The following CDYL2 variants were observed in gnomAD, a reference collection of about 807,000 sequenced individuals.
The protein encoded by CDYL2 is chromodomain Y-like protein 2.
CDYL2 carries 23 observed loss-of-function variants against 49.4 expected under a neutral mutation model. The ratio of observed to expected loss-of-function variants is 0.47; its 90% CI spans 0.34 to 0.66. The LOEUF is 0.66. Among genes scored for constraint, CDYL2 ranks in the 30% least tolerant of loss-of-function variants. The pLI, the probability that CDYL2 is intolerant of heterozygous loss-of-function variation, is 0.01. For missense variants in CDYL2, 678 were observed against 656.4 expected (o/e 1.03, Z -0.36); for synonymous variants, 360 against 268.8 (o/e 1.34, Z -3.32).
chr16:80,620,477 G>A (rs891818466), intron 4 of CDYL2, among the ~76,000 whole-genome samples: 1 of 152,156 alleles, frequency 6.6e-6, no homozygotes, highest in Non-Finnish European at 1.5e-5. Flanking sequence ...AAATCTTTCC[G>A]ATCAAAAGAA....
intron 4 of CDYL2, 70 bp downstream of exon 4, chr16:80,620,693 G>A (rs1341864151): frequency 4.3e-6 from 6 of 1,386,546 alleles, no homozygotes; most frequent in African/African-American, 1.5e-5. Context: ...GAATTTAACT[G>A]AGCAGCCTGT....
intron 1 of CDYL2, among the ~76,000 whole-genome samples, chr16:80,796,838 C>G (rs1406001754): frequency 6.6e-6 from 1 of 152,180 alleles, no homozygotes; most frequent in African/African-American, 2.4e-5. Context: ...GATTCCTCAT[C>G]ACACTGCAAT....
intron 1 of CDYL2, among the ~76,000 whole-genome samples, chr16:80,748,254 C>T (rs906774643): frequency 2.0e-5 from 3 of 146,778 alleles, no homozygotes; most frequent in Middle Eastern, 3.8e-3. Context: ...GGACCGGGCG[C>T]GCTGGCTCAC....
chr16:80,685,539 T>G (rs1360989965), intron 1 of CDYL2, among the ~76,000 whole-genome samples: 3 of 152,238 alleles, frequency 2.0e-5, no homozygotes, highest in African/African-American at 7.2e-5. Context: ...TTATAATAAG[T>G]AACATTTATT....
intron 1 of CDYL2, among the ~76,000 whole-genome samples, chr16:80,717,969 A>T (rs1455432208): frequency 6.6e-6 from 1 of 152,200 alleles, no homozygotes; most frequent in South Asian, 2.1e-4. Context: ...GGATGCTGTG[A>T]GGCACATTCA....
In CDYL2 at chr16:80,600,569, TAG is replaced by T. The variant is rs1371052649; in HGVS notation, c.*3817_*3818del. The T allele has an allele frequency of 6.6e-6, 1 of 152,202 alleles. No individual in the cohort carries two copies. Among genetic ancestry groups the T allele is most frequent in the Admixed American group, 6.5e-5 (1 of 15,276 alleles). 9.4% of individuals were successfully genotyped at this position (152,202 alleles called of 1,614,324 possible). On this transcript the variant is annotated 3_prime_UTR_variant, in exon 7 of 7. Coordinates refer to ENST00000570137, the MANE Select transcript of CDYL2 (RefSeq NM_152342.4). The stretch of plus-strand genomic sequence containing the variant: ...AATAAAATACTTAAGAAATCTCATT[TAG>T]AGTCTTAAATACTGTGTATATTAGT...
At chr16:80,710,085 G>A (rs1217498455) in intron 1 of CDYL2, among the ~76,000 whole-genome samples, 7 of 152,098 alleles carry the variant, frequency 4.6e-5, no homozygotes, top group South Asian at 2.1e-4. Flanking sequence ...GTGCCACCAC[G>A]CCTGGCTAAT....
At chr16:80,753,682 GA>G (rs1190265344) in intron 1 of CDYL2, among the ~76,000 whole-genome samples, 1 of 152,128 alleles carries the variant, frequency 6.6e-6, no homozygotes, top group Non-Finnish European at 1.5e-5. Flanking sequence ...AAATCTTCCA[GA>G]AGGTAACATG....
In CDYL2 at chr16:80,720,040, G is replaced by A. The variant is rs1430144810; in HGVS notation, c.25-34911C>T. 2.0e-5 allele frequency among the ~76,000 whole-genome samples: 3 copies of A among 152,204 alleles called. No homozygotes were observed. In the East Asian group the frequency reaches 5.8e-4, roughly 29 times the overall value. ...GTCCCCTCTCCCATGCCTTGACACT[G>A]TAAAGCCACCAGCCTTTAGTGGTCG... On this transcript the variant is annotated intron_variant, in intron 1 of 6. Coordinates refer to ENST00000570137, the MANE Select transcript of CDYL2 (RefSeq NM_152342.4).
At chr16:80,678,630 G>A (rs1909850034) in intron 2 of CDYL2, among the ~76,000 whole-genome samples, 1 of 149,438 alleles carries the variant, frequency 6.7e-6, no homozygotes, top group Non-Finnish European at 1.5e-5. Context: ...TGGAGAGGAT[G>A]TGGAGAAATA....
intron 5 of CDYL2, among the ~76,000 whole-genome samples, chr16:80,610,930 C>T (rs556701485): frequency 2.4e-4 from 37 of 152,262 alleles, no homozygotes; most frequent in Middle Eastern, 3.4e-3. Flanking sequence ...GCACCCTCCC[C>T]GGCATGCCAG....
intron 2 of CDYL2, among the ~76,000 whole-genome samples, chr16:80,677,145 A>AT (rs961114995): frequency 2.0e-5 from 3 of 150,584 alleles, no homozygotes; most frequent in Non-Finnish European, 4.4e-5. Context: ...TAATTTTTGT[A>AT]TTTTTTTGGA....
At chr16:80,783,390 A>G (rs1907334503) in intron 1 of CDYL2, among the ~76,000 whole-genome samples, 1 of 152,216 alleles carries the variant, frequency 6.6e-6, no homozygotes, top group Non-Finnish European at 1.5e-5. Context: ...GACGCAAACT[A>G]AAATCCTCAT....
At chr16:80,795,804 C>T (rs139102231) in intron 1 of CDYL2, among the ~76,000 whole-genome samples, 280 of 152,318 alleles carry the variant, frequency 1.8e-3, no homozygotes, top group African/African-American at 6.0e-3. Flanking sequence ...CAGAGCTCTA[C>T]GCTTGCCCCT....
intron 2 of CDYL2, chr16:80,662,889 G>T (rs943398095): frequency 3.9e-5 from 16 of 414,268 alleles, no homozygotes; most frequent in Non-Finnish European, 5.7e-5. Flanking sequence ...TAAAGGCAAG[G>T]GCTGTTTTAG....
chr16:80,685,367 G>A (rs1394249333), intron 1 of CDYL2, among the ~76,000 whole-genome samples: 4 of 152,128 alleles, frequency 2.6e-5, no homozygotes, highest in Admixed American at 6.5e-5. Context: ...CCATGATGAC[G>A]CTAGATGACA....
intron 1 of CDYL2, among the ~76,000 whole-genome samples, chr16:80,694,692 T>A (rs547231909): frequency 6.6e-6 from 1 of 152,204 alleles, no homozygotes; most frequent in East Asian, 1.9e-4. Context: ...CAAGAAGCAG[T>A]CACACCCTAC....
At chr16:80,802,742 C>T (rs1450673521) in intron 1 of CDYL2, among the ~76,000 whole-genome samples, 2 of 152,192 alleles carry the variant, frequency 1.3e-5, no homozygotes, top group Non-Finnish European at 2.9e-5. Flanking sequence ...GACCTGTGCT[C>T]CTTTCTCCAT....
At position 80,708,848 on chromosome 16, in the gene CDYL2, C is replaced by G. The variant is rs1055761107; in HGVS notation, c.25-23719G>C. On this transcript the variant is annotated intron_variant, in intron 1 of 6. Coordinates refer to ENST00000570137, the MANE Select transcript of CDYL2 (RefSeq NM_152342.4). ...GCATCGAGATAGAGCAGACAGGAAT[C>G]TGGTAATGATGAAATCTTTATTATA... Among the ~76,000 whole-genome samples the G allele has an allele frequency of 3.0e-4, 46 of 152,084 alleles. 2 individuals carry two copies. The highest frequency in any genetic ancestry group is 6.6e-4 in the Non-Finnish European group (45 of 68,024).
Sources: gnomAD v4.1 joint callset for allele counts (sites outside exome capture counted in the v4.1 genomes callset) on GRCh38, gnomAD v4.1.1 for gene constraint, MANE v1.5 for transcripts, NCBI Gene and HGNC (gene_info 2026-07-23, HGNC 2026-07-21) for gene names.